Variants in PTPN3 observed in about 807,000 individuals in gnomAD.
The protein encoded by PTPN3 is protein tyrosine phosphatase non-receptor type 3, also known as tyrosine-protein phosphatase non-receptor type 3.
In PTPN3, 96 loss-of-function variants were observed where a neutral mutation model predicts 132.7. The ratio of observed to expected loss-of-function variants is 0.72; its 90% CI spans 0.61 to 0.86. PTPN3 has a LOEUF of 0.86. Ranked by LOEUF, PTPN3 falls within the 40% of genes least tolerant of loss-of-function variation. The pLI, the probability that PTPN3 is intolerant of heterozygous loss-of-function variation, is 0.00. For missense variants in PTPN3, 1,125 were observed against 1,159.6 expected (o/e 0.97, Z 0.43); for synonymous variants, 398 against 429.0 (o/e 0.93, Z 0.89).
rs781698299 is a variant in PTPN3 at position 109,381,753 on chromosome 9, T to C, written c.2563A>G (p.Met855Val). Residue 855 changes from methionine (M) to valine (V), a missense_variant, in exon 25 of 26, where the codon ATG (methionine) becomes GTG (valine). Coordinates refer to ENST00000374541, the MANE Select transcript of PTPN3 (RefSeq NM_002829.4). ...TCAGTTAGGCACATGGCTGTTTCCA[T>C]AGTGACCAACACACCGGTTCGACCT... ...GIGRTGVLVT[M>V]ETAMCLTERN... The C allele has an allele frequency of 1.6e-5, 26 of 1,614,108 alleles. No individual in the cohort carries two copies. The South Asian group carries it at 2.3e-4, about 14-fold the overall frequency.
intron 4 of PTPN3, among the ~76,000 whole-genome samples, chr9:109,455,758 T>C (rs1204223976): frequency 6.6e-6 from 1 of 152,204 alleles, no homozygotes; most frequent in African/African-American, 2.4e-5. Context: ...CTTACTATTA[T>C]CATAGAATGT....
rs913655132 is a variant in PTPN3, at chr9:109,478,381, A to G, written c.-17-14930T>C. On this transcript the variant is annotated intron_variant, in intron 1 of 25. Transcript: ENST00000374541. Reference sequence around the variant, plus strand: ...AAACACTTCCCTGACCCCTTCTGTTATGACTCTACGATATTCCACCACGTG... The same window carrying G: ...AAACACTTCCCTGACCCCTTCTGTTGTGACTCTACGATATTCCACCACGTG... Among the ~76,000 whole-genome samples the G allele has an allele frequency of 1.3e-4, 20 of 151,932 alleles. No individual in the cohort carries two copies. The East Asian group carries it at 3.9e-3, about 29-fold the overall frequency.
intron 14 of PTPN3, among the ~76,000 whole-genome samples, chr9:109,412,319 T>C (rs1162756949): frequency 3.3e-5 from 5 of 151,988 alleles, no homozygotes; most frequent in African/African-American, 1.2e-4. Context: ...GAGATCTTCC[T>C]ATCTTGGTCT....
At position 109,410,555 on chromosome 9, in the gene PTPN3, G is replaced by A; in HGVS notation, c.1314-140C>T. 7 of 952,320 alleles carry A rather than the reference G, an allele frequency of 7.4e-6. No individual in the cohort carries two copies. In the South Asian group the frequency reaches 1.2e-4, roughly 16 times the overall value. The allele number at this position is 952,320 out of a possible 1,614,324, so 59.0% of individuals were successfully genotyped here. ...GCTGCATAGGTTGTCAGCGGGATTTGAGTACACCCAGGGCCCACTGACCAC... is the reference window on the plus strand; with the variant it reads ...GCTGCATAGGTTGTCAGCGGGATTTAAGTACACCCAGGGCCCACTGACCAC... On this transcript the variant is annotated intron_variant, in intron 14 of 25. Transcript: ENST00000374541.
At chr9:109,532,605 TAAAC>T in the PTPN3 span, among the ~76,000 whole-genome samples, 64 of 151,218 alleles carry the variant, frequency 4.2e-4, 4 homozygotes, top group East Asian at 0.012. Flanking sequence ...AGAACTAAAC[TAAAC>T]TCATTTGTTA....
intron 19 of PTPN3, among the ~76,000 whole-genome samples, chr9:109,397,109 G>A (rs1014652951): frequency 6.6e-6 from 1 of 152,224 alleles, no homozygotes; most frequent in African/African-American, 2.4e-5. Context: ...AGGAAACCAT[G>A]GGTAAGGAGA....
the PTPN3 span, among the ~76,000 whole-genome samples, chr9:109,520,486 A>T: frequency 1.3e-5 from 2 of 152,372 alleles, no homozygotes; most frequent in African/African-American, 4.8e-5. Context: ...AATTGACAGC[A>T]TGACAGAGTA....
rs1845616813 is a variant in PTPN3 at position 109,457,337 on chromosome 9, C to A, written c.201G>T (p.Lys67Asn). 1.2e-6 allele frequency: 2 copies of A among 1,614,192 alleles called. No individual in the cohort carries two copies. The highest frequency in any genetic ancestry group is 2.7e-5 in the African/African-American group (2 of 75,054). ...MVHNHLGVTE[K>N]EYFGLQHDDD... ...CATCATGCTGTAAACCAAAATATTC[C>A]TTTTCAGTCACACCCAGGTGGTTGT... The change falls in exon 3 of 26, where the codon AAG (lysine) becomes AAT (asparagine). Residue 67 changes from lysine to asparagine, a missense_variant. Lys to Asn is a moderately conservative substitution (Grantham distance 94, BLOSUM62 0). Coordinates refer to ENST00000374541, the MANE Select transcript of PTPN3 (RefSeq NM_002829.4).
At chr9:109,412,779 T>C (rs1409383734) in intron 14 of PTPN3, among the ~76,000 whole-genome samples, 1 of 152,136 alleles carries the variant, frequency 6.6e-6, no homozygotes, top group East Asian at 1.9e-4. Flanking sequence ...AGCGCTGGGA[T>C]TACAGGTGTG....
intron 22 of PTPN3, among the ~76,000 whole-genome samples, chr9:109,388,386 C>T (rs1407482657): frequency 1.3e-5 from 2 of 152,140 alleles, no homozygotes; most frequent in East Asian, 3.9e-4. Flanking sequence ...AATGCTAGAC[C>T]TCAGAGGAGA....
At chr9:109,398,401 C>T (rs1294361748) in intron 19 of PTPN3, among the ~76,000 whole-genome samples, 5 of 152,182 alleles carry the variant, frequency 3.3e-5, no homozygotes, top group African/African-American at 1.2e-4. Context: ...TTATAATTAT[C>T]ACAGGAGCCA....
the PTPN3 span, among the ~76,000 whole-genome samples, chr9:109,516,205 A>G: frequency 6.6e-6 from 1 of 152,368 alleles, no homozygotes; most frequent in African/African-American, 2.4e-5. Flanking sequence ...TCGTGATGAT[A>G]GGAAGATGGT....
Position 109,438,022 on chromosome 9 carries a change from AAAAG to A in PTPN3, c.587+88_587+91del, listed in dbSNP as rs201487394. 2.1e-3 allele frequency: 3,014 copies of A among 1,404,724 alleles called. 122 individuals are homozygous for A. In the Admixed American group the frequency reaches 0.068, roughly 32 times the overall value. The allele number at this position is 1,404,724 out of a possible 1,614,324, so 87.0% of individuals were successfully genotyped here. ...ACATCTTGAAAGAGGATTCATGCAC[AAAAG>A]AAAGAGGCTGCATCAAACACAAAGG... On this transcript the variant is annotated intron_variant, in intron 8 of 25. Transcript: ENST00000374541.
chr9:109,448,049 C>A (rs1465182618), intron 6 of PTPN3, among the ~76,000 whole-genome samples: 1 of 152,196 alleles, frequency 6.6e-6, no homozygotes, highest in Admixed American at 6.5e-5. Context: ...CTAGCTCACA[C>A]CAGCAGGAGC....
chr9:109,408,407 A>G, intron 16 of PTPN3, 30 bp from the exon 17 acceptor site: 1 of 1,528,974 alleles, frequency 6.5e-7, no homozygotes, highest in African/African-American at 1.6e-5. Flanking sequence ...AAAACAAAAC[A>G]AAGTTTTTTA....
chr9:109,416,859 C>A (rs1292605844), intron 14 of PTPN3, among the ~76,000 whole-genome samples: 3 of 152,190 alleles, frequency 2.0e-5, no homozygotes, highest in African/African-American at 7.2e-5. Context: ...GAAGCCCCAT[C>A]CACTCGGAGG....
chr9:109,506,576 C>T, the PTPN3 span, among the ~76,000 whole-genome samples: 1 of 141,574 alleles, frequency 7.1e-6, no homozygotes, highest in African/African-American at 2.6e-5. Flanking sequence ...TCCTTCCTTC[C>T]TCTCTCTCTC....
chr9:109,456,951 C>T (rs992733584), intron 4 of PTPN3, among the ~76,000 whole-genome samples: 2 of 152,082 alleles, frequency 1.3e-5, no homozygotes, highest in Non-Finnish European at 2.9e-5. Flanking sequence ...CTACTCTCAC[C>T]CTTCCCCTTC....
At chr9:109,419,747 A>G (rs1012399456) in intron 14 of PTPN3, among the ~76,000 whole-genome samples, 10 of 152,298 alleles carry the variant, frequency 6.6e-5, no homozygotes, top group African/African-American at 2.4e-4. Context: ...AACCAAGGCA[A>G]AAAGGGAAAC....
Sources: gnomAD v4.1 joint callset for allele counts (sites outside exome capture counted in the v4.1 genomes callset) on GRCh38, gnomAD v4.1.1 for gene constraint, MANE v1.5 for transcripts, NCBI Gene and HGNC (gene_info 2026-07-23, HGNC 2026-07-21) for gene names.